The following CNTN4 variants were observed in gnomAD, a reference collection of about 807,000 sequenced individuals.
The protein encoded by CNTN4 is contactin-4.
A neutral mutation model predicts 122.5 loss-of-function variants in CNTN4; 77 were observed. The ratio of observed to expected loss-of-function variants is 0.63; its 90% CI spans 0.52 to 0.76. CNTN4 has a LOEUF of 0.76. CNTN4 is among the 30% of genes least tolerant of loss of function. CNTN4 has a pLI of 0.00. For synonymous variants in CNTN4, 512 were observed against 447.0 expected (o/e 1.15, Z -1.83); for missense variants, 1,256 against 1,259.1 (o/e 1.00, Z 0.04).
chr3:2,390,591 A>G (rs1321456173), intron 3 of CNTN4, among the ~76,000 whole-genome samples: 1 of 152,186 alleles, frequency 6.6e-6, no homozygotes, highest in Non-Finnish European at 1.5e-5. Context: ...TAGGTAAGCT[A>G]GTAGAGCTTA....
chr3:2,395,106 T>C (rs1170080773), intron 3 of CNTN4, among the ~76,000 whole-genome samples: 2 of 152,106 alleles, frequency 1.3e-5, no homozygotes, highest in African/African-American at 4.8e-5. Flanking sequence ...ATAGCTTTAT[T>C]CAAAGTAGCA....
At chr3:2,303,410 C>T (rs974056167) in intron 2 of CNTN4, among the ~76,000 whole-genome samples, 15 of 152,114 alleles carry the variant, frequency 9.9e-5, no homozygotes, top group African/African-American at 3.6e-4. Flanking sequence ...CACTAATCCA[C>T]TTTCTGTCCC....
At chr3:2,530,605 G>T (rs2077563220) in intron 3 of CNTN4, among the ~76,000 whole-genome samples, 1 of 152,044 alleles carries the variant, frequency 6.6e-6, no homozygotes, top group Non-Finnish European at 1.5e-5. Flanking sequence ...ACCGCACCTG[G>T]CCTCTATTTT....
At chr3:2,881,098 C>T (rs886618510) in intron 8 of CNTN4, among the ~76,000 whole-genome samples, 3 of 152,192 alleles carry the variant, frequency 2.0e-5, no homozygotes, top group Non-Finnish European at 2.9e-5. Flanking sequence ...GCACTATTGA[C>T]AACATACTTT....
chr3:2,790,878 T>G (rs2091986859), intron 6 of CNTN4, among the ~76,000 whole-genome samples: 1 of 152,236 alleles, frequency 6.6e-6, no homozygotes, highest in African/African-American at 2.4e-5. Flanking sequence ...AATCAGCATC[T>G]GCCATCACCA....
intron 13 of CNTN4, among the ~76,000 whole-genome samples, chr3:2,954,193 C>G (rs114849998): frequency 6.6e-6 from 1 of 152,132 alleles, no homozygotes; most frequent in South Asian, 2.1e-4. Context: ...TAGACATCAC[C>G]CAGCATCCTC....
At chr3:2,425,635 G>C in intron 3 of CNTN4, among the ~76,000 whole-genome samples, 1 of 152,250 alleles carries the variant, frequency 6.6e-6, no homozygotes, top group East Asian at 1.9e-4. Flanking sequence ...GATGGGGATG[G>C]CATTGAATCT....
chr3:2,361,654 G>C (rs1254486110), intron 3 of CNTN4, among the ~76,000 whole-genome samples: 1 of 152,142 alleles, frequency 6.6e-6, no homozygotes, highest in Non-Finnish European at 1.5e-5. Flanking sequence ...GAAATTACAT[G>C]TTCTGCTGCT....
intron 3 of CNTN4, among the ~76,000 whole-genome samples, chr3:2,555,270 C>G (rs995621572): frequency 5.3e-5 from 8 of 152,176 alleles, no homozygotes; most frequent in African/African-American, 1.9e-4. Flanking sequence ...CCTGATTAGT[C>G]CCTTCTTAGG....
At chr3:3,004,127 A>G (rs1408762777) in intron 14 of CNTN4, among the ~76,000 whole-genome samples, 2 of 151,692 alleles carry the variant, frequency 1.3e-5, no homozygotes, top group African/African-American at 4.9e-5. Flanking sequence ...TAAAAGGAAA[A>G]AATAAGTAAT....
intron 3 of CNTN4, among the ~76,000 whole-genome samples, chr3:2,505,374 T>G (rs1269961273): frequency 6.6e-6 from 1 of 152,182 alleles, no homozygotes; most frequent in Non-Finnish European, 1.5e-5. Flanking sequence ...TGTGTAAGTT[T>G]GAAATTTTTA....
chr3:2,919,363 A>T (rs2094404129), intron 12 of CNTN4, among the ~76,000 whole-genome samples: 1 of 151,368 alleles, frequency 6.6e-6, no homozygotes, highest in South Asian at 2.1e-4. Context: ...GAAAAAAAAA[A>T]AAAAAAAAAA....
chr3:2,241,804 A>G (rs1012237623), intron 2 of CNTN4, among the ~76,000 whole-genome samples: 5 of 152,218 alleles, frequency 3.3e-5, no homozygotes, highest in African/African-American at 1.2e-4. Flanking sequence ...TTCTAAAATT[A>G]AAACGGTATG....
chr3:2,940,081 A>G (rs1394378438), intron 13 of CNTN4, among the ~76,000 whole-genome samples: 3 of 152,246 alleles, frequency 2.0e-5, no homozygotes, highest in Non-Finnish European at 4.4e-5. Context: ...GTGGAGAAAC[A>G]TGACTTTCCA....
chr3:2,198,206 C>G (rs1464330588), intron 2 of CNTN4, among the ~76,000 whole-genome samples: 1 of 152,124 alleles, frequency 6.6e-6, no homozygotes, highest in East Asian at 1.9e-4. Context: ...TGCTAATGCT[C>G]CTTGGAAAGT....
intron 2 of CNTN4, among the ~76,000 whole-genome samples, chr3:2,248,830 G>A (rs1192754914): frequency 2.6e-5 from 4 of 151,958 alleles, no homozygotes; most frequent in Admixed American, 6.6e-5. Context: ...GTTTATATTC[G>A]TGTGGGCTTG....
intron 6 of CNTN4, among the ~76,000 whole-genome samples, chr3:2,786,686 G>T (rs772670296): frequency 6.6e-6 from 1 of 152,168 alleles, no homozygotes; most frequent in African/African-American, 2.4e-5. Flanking sequence ...ATCATGTTCT[G>T]GAAATTTTTT....
chr3:2,106,318 T>A (rs1186466251), intron 2 of CNTN4, among the ~76,000 whole-genome samples: 1 of 152,156 alleles, frequency 6.6e-6, no homozygotes, highest in African/African-American at 2.4e-5. Flanking sequence ...CAACCCCCAT[T>A]TCCCTTCCGC....
At chr3:2,755,487 T>C (rs1029379355) in intron 6 of CNTN4, among the ~76,000 whole-genome samples, 2 of 152,312 alleles carry the variant, frequency 1.3e-5, no homozygotes, top group Middle Eastern at 3.4e-3. Flanking sequence ...CCAAACTTGC[T>C]GAGTTTCTGA....
Sources: allele counts gnomAD v4.1 joint callset (sites outside exome capture counted in the v4.1 genomes callset), GRCh38; gene constraint gnomAD v4.1.1; transcripts MANE v1.5; gene names NCBI Gene and HGNC (gene_info 2026-07-23, HGNC 2026-07-21).